The following ASTN2 variants were observed in gnomAD, a reference collection of about 807,000 sequenced individuals.
ASTN2 encodes astrotactin-2.
In ASTN2, 54 loss-of-function variants were observed where a neutral mutation model predicts 139.8. The ratio of observed to expected loss-of-function variants is 0.39; its 90% CI spans 0.31 to 0.48. ASTN2 has a LOEUF of 0.48. ASTN2 is among the 20% of genes least tolerant of loss of function. The pLI, the probability that ASTN2 is intolerant of heterozygous loss-of-function variation, is 0.95. For synonymous variants in ASTN2, 756 were observed against 719.5 expected (o/e 1.05, Z -0.81); for missense variants, 1,565 against 1,725.1 (o/e 0.91, Z 1.64).
intron 17 of ASTN2, among the ~76,000 whole-genome samples, chr9:116,626,573 G>A (rs1433711611): frequency 6.6e-6 from 1 of 152,014 alleles, no homozygotes; most frequent in Non-Finnish European, 1.5e-5. Flanking sequence ...AAATTGGGGT[G>A]GGCTATGGAG....
intron 10 of ASTN2, among the ~76,000 whole-genome samples, chr9:116,904,994 T>C (rs1193810287): frequency 2.0e-5 from 3 of 152,026 alleles, no homozygotes; most frequent in Non-Finnish European, 4.4e-5. Context: ...CCCTCTGTGG[T>C]CCTATTTTTT....
chr9:116,670,168 A>G (rs571704724), intron 16 of ASTN2, among the ~76,000 whole-genome samples: 5 of 152,232 alleles, frequency 3.3e-5, no homozygotes, highest in Non-Finnish European at 7.3e-5. Flanking sequence ...TGAACAAATA[A>G]ACAAAAAAAC....
At chr9:116,712,032 G>T (rs745758515) in intron 16 of ASTN2, among the ~76,000 whole-genome samples, 2 of 152,094 alleles carry the variant, frequency 1.3e-5, no homozygotes, top group African/African-American at 2.4e-5. Context: ...TCCTAGCAAA[G>T]GTACAACTTT....
chr9:116,499,801 T>A (rs1341799338), intron 19 of ASTN2, among the ~76,000 whole-genome samples: 2 of 152,136 alleles, frequency 1.3e-5, no homozygotes, highest in Admixed American at 1.3e-4. Context: ...CCACTGGGTC[T>A]TATGTAAAAG....
At chr9:116,616,559 T>C (rs1855865021) in intron 19 of ASTN2, among the ~76,000 whole-genome samples, 1 of 152,236 alleles carries the variant, frequency 6.6e-6, no homozygotes, top group Non-Finnish European at 1.5e-5. Context: ...TGGGATTTAC[T>C]TACTTTATCT....
At chr9:116,496,037 C>A (rs1432230539) in intron 19 of ASTN2, among the ~76,000 whole-genome samples, 2 of 152,174 alleles carry the variant, frequency 1.3e-5, no homozygotes, top group Non-Finnish European at 2.9e-5. Flanking sequence ...TACTCCCTCT[C>A]CTTTCCCAAA....
intron 13 of ASTN2, among the ~76,000 whole-genome samples, chr9:116,792,486 G>A (rs1033745996): frequency 3.9e-5 from 6 of 152,144 alleles, no homozygotes; most frequent in South Asian, 4.1e-4. Context: ...GCACCCAACC[G>A]TGGCTTCAGC....
Position 117,281,686 on chromosome 9 carries a change from C to T in ASTN2, c.630+9640G>A, listed in dbSNP as rs192814922. On this transcript the variant is annotated intron_variant, in intron 2 of 22. Coordinates refer to ENST00000313400, the MANE Select transcript of ASTN2 (RefSeq NM_001365068.1). The stretch of plus-strand genomic sequence containing the variant: ...TGGGAATGGTCACCAAGGGGACACA[C>T]GCCCTGACTCTCTTGCCAACCTGTC... Among the ~76,000 whole-genome samples the T allele has an allele frequency of 5.3e-5, 8 of 152,282 alleles. No individual in the cohort carries two copies. The East Asian group carries it at 5.8e-4, about 11-fold the overall frequency.
chr9:117,046,154 C>G (rs954063770), intron 5 of ASTN2, among the ~76,000 whole-genome samples: 1 of 152,034 alleles, frequency 6.6e-6, no homozygotes, highest in South Asian at 2.1e-4. Context: ...GCAAACGCCA[C>G]CACACCTGGC....
intron 7 of ASTN2, among the ~76,000 whole-genome samples, chr9:116,997,632 A>C (rs1463675879): frequency 6.6e-6 from 1 of 152,174 alleles, no homozygotes; most frequent in Non-Finnish European, 1.5e-5. Flanking sequence ...ACTCCTTAAA[A>C]CAGTAGCTTG....
In ASTN2 at chr9:116,745,424, C is replaced by T. The variant is rs557660876; in HGVS notation, c.2397-11901G>A. ...TCCCAGACAGACCTCGTGGTGTCGT[C>T]TCCTTCAGGAAGCTGTCACTGAGTC... On this transcript the variant is annotated intron_variant, in intron 13 of 22. Coordinates refer to ENST00000313400, the MANE Select transcript of ASTN2 (RefSeq NM_001365068.1). Among the ~76,000 whole-genome samples the T allele has an allele frequency of 7.9e-5, 12 of 152,300 alleles. No homozygotes were observed. In the East Asian group the frequency reaches 2.1e-3, roughly 27 times the overall value.
intron 11 of ASTN2, among the ~76,000 whole-genome samples, chr9:116,839,017 A>G (rs996808614): frequency 6.6e-6 from 1 of 152,228 alleles, no homozygotes; most frequent in African/African-American, 2.4e-5. Context: ...TCCTCCAAGG[A>G]CTAGGTAAGT....
chr9:116,491,371 A>G (rs1042958644), intron 19 of ASTN2, among the ~76,000 whole-genome samples: 3 of 152,152 alleles, frequency 2.0e-5, no homozygotes, highest in Non-Finnish European at 4.4e-5. Flanking sequence ...CTATTTTTTC[A>G]GTTCCAAAGA....
intron 3 of ASTN2, among the ~76,000 whole-genome samples, chr9:117,212,582 AC>A (rs1832172337): frequency 6.6e-6 from 1 of 151,604 alleles, no homozygotes; most frequent in African/African-American, 2.4e-5. Context: ...AAACAAAAAA[AC>A]AAAAAACAAA....
At position 116,538,284 on chromosome 9, in the gene ASTN2, C is replaced by T. The variant is rs371706587; in HGVS notation, c.3356-50784G>A. On this transcript the variant is annotated intron_variant, in intron 19 of 22. Transcript: ENST00000313400. ...AGAAAGAAAGGAAGAAAGGAGCAAA[C>T]GGAGGAATGAAGGAAGGGAATGAGG... Among the ~76,000 whole-genome samples, 49 of 140,644 alleles carry T rather than the reference C, an allele frequency of 3.5e-4. 1 individual carries two copies. Among genetic ancestry groups the T allele is most frequent in the African/African-American group, 1.0e-3 (38 of 37,456 alleles). 92.3% of individuals were successfully genotyped at this position (140,644 alleles called of 152,430 possible).
intron 1 of ASTN2, among the ~76,000 whole-genome samples, chr9:117,398,804 T>C (rs1220404338): frequency 1.3e-5 from 2 of 152,208 alleles, no homozygotes; most frequent in Admixed American, 6.5e-5. Context: ...TTTTTTGAGA[T>C]GGAGTCTTGC....
At chr9:117,114,889 C>T (rs980673917) in intron 4 of ASTN2, among the ~76,000 whole-genome samples, 2 of 152,102 alleles carry the variant, frequency 1.3e-5, no homozygotes, top group African/African-American at 2.4e-5. Context: ...AGTCAACATC[C>T]CCATTGGAGC....
intron 19 of ASTN2, among the ~76,000 whole-genome samples, chr9:116,556,770 T>C (rs1008570622): frequency 3.9e-5 from 6 of 152,138 alleles, no homozygotes; most frequent in African/African-American, 1.4e-4. Flanking sequence ...GACCCACATA[T>C]TGAAGTAATT....
intron 13 of ASTN2, among the ~76,000 whole-genome samples, chr9:116,794,923 T>C (rs1360032939): frequency 6.6e-6 from 1 of 152,174 alleles, no homozygotes; most frequent in Non-Finnish European, 1.5e-5. Flanking sequence ...TCCTTTCCTA[T>C]TGGGCAAGTG....
Sources: allele counts gnomAD v4.1 joint callset (sites outside exome capture counted in the v4.1 genomes callset), GRCh38; gene constraint gnomAD v4.1.1; transcripts MANE v1.5; gene names NCBI Gene and HGNC (gene_info 2026-07-23, HGNC 2026-07-21).